INSRR: variants seen among roughly 807,000 people sequenced by gnomAD.
The protein encoded by INSRR is insulin receptor related receptor.
A neutral mutation model predicts 130.0 loss-of-function variants in INSRR; 114 were observed. The ratio of observed to expected loss-of-function variants is 0.88; its 90% CI spans 0.75 to 1.02. INSRR has a LOEUF of 1.02. Ranked by LOEUF, INSRR falls within the 50% of genes least tolerant of loss-of-function variation. The probability of loss-of-function intolerance (pLI) is 0.00; values close to 1 mark genes in which losing one functional copy is unlikely to be tolerated. For missense variants in INSRR, 1,657 were observed against 1,735.2 expected, an observed-to-expected ratio of 0.95 and a Z score of 0.80; for synonymous variants, 674 against 705.2, an observed-to-expected ratio of 0.96 and a Z score of 0.70.
chr1:156,842,356 C>A (rs1161726535), intron 18 of INSRR, 42 bp downstream of exon 18: 2 of 1,612,458 alleles, frequency 1.2e-6, no homozygotes, highest in Non-Finnish European at 1.7e-6. Context: ...CCACACTGTG[C>A]CCAACCCTTC....
Position 156,854,004 on chromosome 1 carries a change from G to A in INSRR, c.385C>T (p.Pro129Ser), listed in dbSNP as rs202006235. ...EMPHLRDVALPALGAVLRGAV... is the reference protein window; with the variant it reads ...EMPHLRDVALSALGAVLRGAV... ...CCACGCAGCACGGCCCCAAGTGCAG[G>A]CAGTGCCACGTCACGCAGATGTGGC... Residue 129 changes from proline to serine, a missense_variant, in exon 2 of 22, where the codon CCT becomes TCT. Transcript: ENST00000368195. The surrounding 1 kb of genome is among the most constrained non-coding windows in gnomAD (Gnocchi z 4.2). 11 of 1,613,794 alleles carry A rather than the reference G, an allele frequency of 6.8e-6. No homozygotes were observed. The highest frequency in any genetic ancestry group is 1.6e-4 in the Middle Eastern group (1 of 6,062).
chr1:156,847,525 T>C (rs910334103), intron 7 of INSRR, among the ~76,000 whole-genome samples: 4 of 152,106 alleles, frequency 2.6e-5, no homozygotes, highest in African/African-American at 4.8e-5. Context: ...TTCTTTGGAC[T>C]GGGAAGGGGA....
intron 8 of INSRR, 84 bp downstream of exon 8, chr1:156,846,435 G>A (rs968538179): frequency 1.1e-5 from 12 of 1,134,668 alleles, no homozygotes; most frequent in South Asian, 2.7e-5. Flanking sequence ...TCAGTGCCCC[G>A]GCTTCTCTAT....
chr1:156,844,606 C>T lies in INSRR; in HGVS notation c.2593G>A (p.Val865Met). The T allele has an allele frequency of 6.2e-7, 1 of 1,614,174 alleles. No homozygotes were observed. The highest frequency in any genetic ancestry group is 8.5e-7 in the Non-Finnish European group (1 of 1,180,006). ...RLGEEATVLC[V>M]SRLRYAKFGG... ...AACTTCGCATATCGAAGACGGGACA[C>T]ACACAGCACTGTGGCCTCCTGAGAG... Residue 865 changes from valine to methionine, a missense_variant, in exon 14 of 22, where the codon GTG becomes ATG. By Grantham distance (21) the Val-to-Met change is conservative. Transcript: ENST00000368195.
intron 8 of INSRR, 130 bp from the exon 9 acceptor site, chr1:156,846,249 T>TCCTGGGTGCGGCTTAGGGGCAGCTCCACA: frequency 1.0e-6 from 1 of 996,312 alleles, no homozygotes; most frequent in Non-Finnish European, 1.4e-6. Context: ...CACCCCTGGC[T>TCCTGGGTGCGGCTTAGGGGCAGCTCCACA]TCCTAGAACT....
chr1:156,856,966 A>G (rs747350007), intron 1 of INSRR, among the ~76,000 whole-genome samples: 1 of 152,022 alleles, frequency 6.6e-6, no homozygotes, highest in African/African-American at 2.4e-5. Context: ...TAACGTCTCC[A>G]GCCTCTACTT....
chr1:156,840,658 C>G lies in INSRR; in HGVS notation c.*215G>C. On this transcript the variant is annotated 3_prime_UTR_variant, in exon 22 of 22. Coordinates refer to ENST00000368195, the MANE Select transcript of INSRR (RefSeq NM_014215.3). The stretch of plus-strand genomic sequence containing the variant: ...CTCTACTCCTCTGGCTTTGACCCTG[C>G]TTGCTCTCCCCCGAGGGACTCAGAG... 1.7e-6 allele frequency: 1 copy of G among 593,838 alleles called. No individual in the cohort carries two copies. The highest frequency in any genetic ancestry group is 3.0e-6 in the Non-Finnish European group (1 of 333,084). The allele number at this position is 593,838 out of a possible 1,614,324, so 36.8% of individuals were successfully genotyped here. A position where few individuals can be genotyped will look rare whatever the true frequency, so the allele number is the denominator to read the frequency against.
In INSRR at chr1:156,852,158, G is replaced by T. The variant is rs566924575; in HGVS notation, c.671C>A (p.Ala224Glu). The stretch of plus-strand genomic sequence containing the variant: ...TTCGGTGTGGCAGCACTCGCCCCTC[G>T]CTGTGCAAGCCATCCCATGGGGGCA... ...CPCPHGMACT[A>E]RGECCHTECL... Residue 224 changes from alanine (A) to glutamate (E), a missense_variant, in exon 3 of 22, where the codon GCG (alanine) becomes GAG (glutamate). Coordinates refer to ENST00000368195, the MANE Select transcript of INSRR (RefSeq NM_014215.3). 27 of 1,608,106 alleles carry T rather than the reference G, an allele frequency of 1.7e-5. No homozygotes were observed. In the East Asian group the frequency reaches 5.1e-4, roughly 31 times the overall value.
intron 1 of INSRR, among the ~76,000 whole-genome samples, chr1:156,856,234 T>C (rs1020191120): frequency 6.6e-6 from 1 of 152,170 alleles, no homozygotes; most frequent in Non-Finnish European, 1.5e-5. Flanking sequence ...ATAATTCATG[T>C]TGTACCCTAG....
intron 12 of INSRR, 86 bp downstream of exon 12, chr1:156,844,990 G>A: frequency 2.0e-6 from 3 of 1,533,640 alleles, no homozygotes; most frequent in Non-Finnish European, 2.6e-6. Flanking sequence ...AGGCTCTGGG[G>A]TTAGCGAGAA....
intron 7 of INSRR, among the ~76,000 whole-genome samples, chr1:156,848,405 T>A (rs547897074): frequency 6.6e-6 from 1 of 152,222 alleles, no homozygotes; most frequent in African/African-American, 2.4e-5. Flanking sequence ...CCTAACCGTG[T>A]TTTTGGAGAA....
At chr1:156,852,237 C>T (rs1175890508) in intron 2 of INSRR, 46 bp from the exon 3 acceptor site, 2 of 1,523,444 alleles carry the variant, frequency 1.3e-6, no homozygotes, top group East Asian at 2.3e-5. Flanking sequence ...CCCCCTCAGT[C>T]CTGGCTGTCC....
chr1:156,844,181 T>G lies in INSRR; in HGVS notation c.2837A>C (p.Lys946Thr). 1.2e-6 allele frequency: 2 copies of G among 1,613,008 alleles called. No homozygotes were observed. The highest frequency in any genetic ancestry group is 1.7e-6 in the Non-Finnish European group (2 of 1,179,242). ...CGGTGGGACTTATCATCACCTCTTC[T>G]TGCCGTAGAAGAAACCAAGGGCAGC... ...VLAALGFFYG[K>T]KRNRTLYASV... Residue 946 changes from lysine (K) to threonine (T), a missense_variant, in exon 15 of 22, where the codon AAG (lysine) becomes ACG (threonine). Coordinates refer to ENST00000368195, the MANE Select transcript of INSRR (RefSeq NM_014215.3).
rs569169715 is a variant in INSRR at position 156,845,762 on chromosome 1, C to T, written c.2031G>A (p.Gly677=). The change falls in exon 10 of 22, where the codon GGG becomes GGA. Residue 677 remains glycine, a synonymous_variant. Transcript: ENST00000368195. The part of the protein sequence containing the change: ...NNDPRFDGED[G]DPEAEMESDC... The stretch of plus-strand genomic sequence containing the variant: ...CGGACTCCATCTCGGCCTCAGGATC[C>T]CCGTCTTCGCCGTCGAAGCGCGGAT... 1.9e-6 allele frequency: 3 copies of T among 1,613,390 alleles called. No individual in the cohort carries two copies. The African/African-American group carries it at 4.0e-5, about 22-fold the overall frequency.
chr1:156,842,018 C>G lies in INSRR; in HGVS notation c.3397+94G>C, dbSNP rs1571655771. The G allele has an allele frequency of 1.9e-6, 3 of 1,587,664 alleles. No homozygotes were observed. In the East Asian group the frequency reaches 6.8e-5, roughly 36 times the overall value. ...GGTGACTTGCCAAGGGTCTCACAGG[C>G]TGTCAGGACCAGGGCTGTGGGTCTC... On this transcript the variant is annotated intron_variant, in intron 19 of 21. Transcript: ENST00000368195.
intron 19 of INSRR, 83 bp from the exon 20 acceptor site, chr1:156,841,877 T>A: frequency 6.2e-7 from 1 of 1,607,652 alleles, no homozygotes; most frequent in Non-Finnish European, 8.5e-7. Flanking sequence ...CCTCTCCCAA[T>A]CTTCTCATCC....
chr1:156,844,323 A>G, intron 14 of INSRR, 43 bp from the exon 15 acceptor site: 1 of 1,575,738 alleles, frequency 6.3e-7, no homozygotes, highest in African/African-American at 1.3e-5. Context: ...AAAGATGTAG[A>G]AGTCAGAGGG....
rs1292552056 is a variant in INSRR at position 156,842,066 on chromosome 1, C to CA, written c.3397+45_3397+46insT. On this transcript the variant is annotated intron_variant, in intron 19 of 21. Coordinates refer to ENST00000368195, the MANE Select transcript of INSRR (RefSeq NM_014215.3). ...CTCCTGATGCCTAGCTTAAGGGAGT[C>CA]TCTCTACTTTTCAGGCCGCCCTCAT... 4 of 1,610,730 alleles carry CA rather than the reference C, an allele frequency of 2.5e-6. No homozygotes were observed. The Admixed American group carries it at 6.7e-5, about 27-fold the overall frequency.
rs548517957 is a variant in INSRR at position 156,840,757 on chromosome 1, C to T, written c.*116G>A. On this transcript the variant is annotated 3_prime_UTR_variant, in exon 22 of 22. Coordinates refer to ENST00000368195, the MANE Select transcript of INSRR (RefSeq NM_014215.3). ...CCCTGCTCCTGTTCTCTGCCCCACC[C>T]TCGGCCATCCCTTGCCCTGAGTTGG... The T allele has an allele frequency of 9.7e-5, 77 of 797,714 alleles. No individual in the cohort carries two copies. In the Middle Eastern group the frequency reaches 1.4e-3, roughly 15 times the overall value. The allele number at this position is 797,714 out of a possible 1,614,324, so 49.4% of individuals were successfully genotyped here. A position where few individuals can be genotyped will look rare whatever the true frequency, so the allele number is the denominator to read the frequency against.
Sources: allele counts gnomAD v4.1 joint callset (sites outside exome capture counted in the v4.1 genomes callset), GRCh38; gene constraint gnomAD v4.1.1; non-coding constraint Gnocchi (gnomAD v3.1); transcripts MANE v1.5; gene names NCBI Gene and HGNC (gene_info 2026-07-23, HGNC 2026-07-21).